DOP1A: variants seen among roughly 807,000 people sequenced by gnomAD.
The protein encoded by DOP1A is protein DOP1A.
DOP1A carries 90 observed loss-of-function variants against 267.6 expected under a neutral mutation model. That is an observed-to-expected ratio of 0.34 (90% CI 0.28 to 0.40). The LOEUF (loss-of-function observed/expected upper bound fraction) is 0.40, where lower values mean the gene tolerates loss of function less well. DOP1A is among the 10% of genes least tolerant of loss of function. The pLI is 1.00. For missense variants in DOP1A, 2,437 were observed against 2,900.4 expected, an observed-to-expected ratio of 0.84 and a Z score of 3.67; for synonymous variants, 932 against 999.1, an observed-to-expected ratio of 0.93 and a Z score of 1.27.
intron 5 of DOP1A, among the ~76,000 whole-genome samples, chr6:83,109,548 C>G (rs1302872677): frequency 1.1e-4 from 16 of 152,130 alleles, no homozygotes; most frequent in Admixed American, 9.8e-4. Context: ...AGTCCATGCA[C>G]TAACAATTTT....
downstream of DOP1A, chr6:83,169,019 G>A: frequency 7.4e-7 from 1 of 1,350,340 alleles, no homozygotes; most frequent in South Asian, 1.8e-5. Flanking sequence ...ACATTAGTGA[G>A]ACTGAAATTA....
At chr6:83,088,419 C>CTTT (rs746293399) in intron 1 of DOP1A, among the ~76,000 whole-genome samples, 123 of 115,546 alleles carry the variant, frequency 1.1e-3, no homozygotes, top group African/African-American at 1.5e-3. Flanking sequence ...TGTCTTCCAT[C>CTTT]TTTTTTTTTT....
chr6:83,103,729 A>G (rs2128145838), intron 4 of DOP1A, among the ~76,000 whole-genome samples: 1 of 152,200 alleles, frequency 6.6e-6, no homozygotes, highest in South Asian at 2.1e-4. Flanking sequence ...TTTCTTAACG[A>G]CTTAACTTTT....
intron 1 of DOP1A, among the ~76,000 whole-genome samples, chr6:83,071,980 A>C (rs1225036117): frequency 6.6e-6 from 1 of 152,192 alleles, no homozygotes; most frequent in Non-Finnish European, 1.5e-5. Flanking sequence ...TGAGGTAATA[A>C]AGTTAAAATA....
chr6:83,147,113 G>C, intron 25 of DOP1A, 123 bp from the exon 26 acceptor site: 1 of 423,458 alleles, frequency 2.4e-6, no homozygotes, highest in Non-Finnish European at 4.3e-6. Flanking sequence ...ATGAAAAATT[G>C]ATGATTTTGT....
intron 18 of DOP1A, 125 bp from the exon 19 acceptor site, chr6:83,134,062 T>G: frequency 1.8e-6 from 1 of 567,704 alleles, no homozygotes; most frequent in Non-Finnish European, 2.9e-6. Flanking sequence ...TTTATTGCAA[T>G]GTGTGTTTGA....
In DOP1A at chr6:83,071,813, C is replaced by T. The variant is rs374030159; in HGVS notation, c.-147+4034C>T. On this transcript the variant is annotated intron_variant, in intron 1 of 38. Coordinates refer to ENST00000349129, the MANE Select transcript of DOP1A (RefSeq NM_015018.4). ...TTCTGAATGTTACTGATGTTACATCCTACTAGGGTACATTAGCCTTAAGAT... is the reference window on the plus strand; with the variant it reads ...TTCTGAATGTTACTGATGTTACATCTTACTAGGGTACATTAGCCTTAAGAT... Among the ~76,000 whole-genome samples, 8 of 152,118 alleles carry T rather than the reference C, an allele frequency of 5.3e-5. No individual in the cohort carries two copies. The East Asian group carries it at 1.5e-3, about 29-fold the overall frequency.
chr6:83,075,383 A>G (rs1352245494), intron 1 of DOP1A, among the ~76,000 whole-genome samples: 5 of 152,108 alleles, frequency 3.3e-5, no homozygotes, highest in South Asian at 2.1e-4. Context: ...GGTAAGTTCT[A>G]TGATAGAGGA....
At chr6:83,079,488 T>A (rs1226086131) in intron 1 of DOP1A, among the ~76,000 whole-genome samples, 1 of 152,186 alleles carries the variant, frequency 6.6e-6, no homozygotes, top group Non-Finnish European at 1.5e-5. Flanking sequence ...AGAAAAATGT[T>A]TGGCTAGTAT....
At chr6:83,081,443 T>C (rs1191959928) in intron 1 of DOP1A, among the ~76,000 whole-genome samples, 3 of 152,122 alleles carry the variant, frequency 2.0e-5, no homozygotes, top group Non-Finnish European at 4.4e-5. Flanking sequence ...GCAACAGTAA[T>C]ACACAGTGGG....
chr6:83,087,863 G>GTTTC (rs1769571073), intron 1 of DOP1A, among the ~76,000 whole-genome samples: 1 of 152,034 alleles, frequency 6.6e-6, no homozygotes, highest in East Asian at 1.9e-4. Context: ...TTTTTTGTTT[G>GTTTC]TTTGTTTGTT....
At chr6:83,161,247 A>T (rs2128415933) in intron 37 of DOP1A, 1 of 152,298 alleles carries the variant, frequency 6.6e-6, no homozygotes, top group South Asian at 2.1e-4. Context: ...TAGTTACTAC[A>T]AAAGGGAAGG....
chr6:83,119,802 C>T lies in DOP1A; in HGVS notation c.935C>T (p.Pro312Leu), dbSNP rs1776063978. Residue 312 changes from proline (P) to leucine (L), a missense_variant, in exon 9 of 39, where the codon CCT becomes CTT. Around this residue, in one of 9 missense-constraint regions of DOP1A, gnomAD observed 498 missense variants for 513.5 expected, o/e 0.97. Transcript: ENST00000349129. Reference protein sequence around the residue: ...IGPRSTRHSNPEEHATYYFTT... With the variant: ...IGPRSTRHSNLEEHATYYFTT... ...CCCAGAAGCACAAGACACAGTAATC[C>T]TGAAGAACATGCCACTTACTATTTC... is the stretch of plus-strand genomic sequence containing the variant. 1 of 1,612,978 alleles carries T rather than the reference C, an allele frequency of 6.2e-7. No homozygotes were observed. Among genetic ancestry groups the T allele is most frequent in the South Asian group, 1.1e-5 (1 of 91,026 alleles).
intron 4 of DOP1A, among the ~76,000 whole-genome samples, chr6:83,105,002 ACT>A (rs1773330918): frequency 6.6e-6 from 1 of 151,610 alleles, no homozygotes; most frequent in Admixed American, 6.6e-5. Flanking sequence ...TCTATGCTCC[ACT>A]CTCCTTGTTA....
chr6:83,139,873 C>A, intron 21 of DOP1A, 127 bp from the exon 22 acceptor site: 1 of 586,082 alleles, frequency 1.7e-6, no homozygotes. Context: ...ATTCTTTTAG[C>A]CATTTGTTAA....
chr6:83,126,663 C>T (rs186475928), intron 15 of DOP1A, among the ~76,000 whole-genome samples: 1 of 152,090 alleles, frequency 6.6e-6, no homozygotes, highest in African/African-American at 2.4e-5. Flanking sequence ...TTGAGGAAGA[C>T]GTGTTTGAGT....
chr6:83,072,829 A>G (rs1785843987), intron 1 of DOP1A: 1 of 161,606 alleles, frequency 6.2e-6, no homozygotes, highest in Admixed American at 6.4e-5. Context: ...ATATACCCCA[A>G]ATGCCATCGC....
intron 1 of DOP1A, among the ~76,000 whole-genome samples, chr6:83,077,951 T>C (rs1275699379): frequency 6.6e-6 from 1 of 152,190 alleles, no homozygotes; most frequent in African/African-American, 2.4e-5. Flanking sequence ...TTCTGGGCTG[T>C]GGGTTGGACA....
At chr6:83,122,463 A>T (rs1340136583) in intron 11 of DOP1A, among the ~76,000 whole-genome samples, 1 of 151,974 alleles carries the variant, frequency 6.6e-6, no homozygotes, top group African/African-American at 2.4e-5. Context: ...TGAATAGCAC[A>T]GGGAAGCAGA....
Sources: gnomAD v4.1 joint callset for allele counts (sites outside exome capture counted in the v4.1 genomes callset) on GRCh38, gnomAD v4.1.1 for gene constraint, gnomAD v4.1.1 regional missense constraint, MANE v1.5 for transcripts, NCBI Gene and HGNC (gene_info 2026-07-23, HGNC 2026-07-21) for gene names.